Variants in RPL13 observed in about 807,000 individuals in gnomAD.
RPL13 encodes the protein large ribosomal subunit protein eL13.
A neutral mutation model predicts 21.4 loss-of-function variants in RPL13; 1 was observed. That is an observed-to-expected ratio of 0.05 (90% CI 0.02 to 0.22). RPL13 has a LOEUF of 0.22. Ranked by LOEUF, RPL13 falls within the 10% of genes least tolerant of loss-of-function variation. The probability of loss-of-function intolerance (pLI) is 1.00; values close to 1 mark genes in which losing one functional copy is unlikely to be tolerated. For missense variants in RPL13, 289 were observed against 303.0 expected (o/e 0.95, Z 0.34); for synonymous variants, 143 against 120.5 (o/e 1.19, Z -1.23).
chr16:89,562,301 C>T (rs767193371), intron 4 of RPL13, 34 bp from the exon 5 acceptor site: 5 of 1,609,272 alleles, frequency 3.1e-6, no homozygotes, highest in Non-Finnish European at 4.2e-6. Flanking sequence ...AGCAGTGCGG[C>T]CAACCCCACT....
chr16:89,562,652 T>C (rs1425120801), intron 5 of RPL13: 11 of 575,498 alleles, frequency 1.9e-5, no homozygotes, highest in South Asian at 5.0e-5. Flanking sequence ...CTTACATTGG[T>C]TTTGAATTGC....
Position 89,562,323 on chromosome 16 carries a change from A to G in RPL13, c.421-12A>G, listed in dbSNP as rs775607726. On this transcript the variant is annotated splice_polypyrimidine_tract_variant and intron_variant, in intron 4 of 5. Coordinates refer to ENST00000311528, the MANE Select transcript of RPL13 (RefSeq NM_000977.4). ...CGGCCAACCCCACTTAACTCTTCTC[A>G]TTCACCAACAGGCTGAAGAACTGAA... The G allele has an allele frequency of 4.3e-6, 7 of 1,613,226 alleles. No homozygotes were observed. The highest frequency in any genetic ancestry group is 5.9e-6 in the Non-Finnish European group (7 of 1,179,924).
At chr16:89,562,119 A>G in intron 4 of RPL13, 5 of 609,918 alleles carry the variant, frequency 8.2e-6, no homozygotes, top group Non-Finnish European at 1.4e-5. Context: ...TCACAGGTAG[A>G]TAACTGTCTC....
chr16:89,562,793 TC>T, intron 5 of RPL13, 90 bp from the exon 6 acceptor site: 1 of 1,359,534 alleles, frequency 7.4e-7, no homozygotes, highest in Non-Finnish European at 9.8e-7. Context: ...TGACCCCCAA[TC>T]CCCGGGAGGT....
chr16:89,565,930 G>T (rs2058785674), downstream of RPL13: 1 of 152,294 alleles, frequency 6.6e-6, no homozygotes, highest in Non-Finnish European at 1.5e-5. Context: ...ACTGACCTGT[G>T]TGCCACGAGC....
chr16:89,561,171 G>T, intron 2 of RPL13, 56 bp from the exon 3 acceptor site: 2 of 1,514,078 alleles, frequency 1.3e-6, no homozygotes, highest in African/African-American at 2.8e-5. Context: ...CCGTCGCGGA[G>T]CGCTGGCCTG....
rs2058758775 is a variant in RPL13 at position 89,563,127 on chromosome 16, G to A, written c.*85G>A. On this transcript the variant is annotated 3_prime_UTR_variant, in exon 6 of 6. Transcript: ENST00000311528. ...TCGTGGGAACAACTGGGCCTGGGAT[G>A]GGGCTTCACTGCTGTGACTTCCTCC... 1.6e-6 allele frequency: 2 copies of A among 1,288,992 alleles called. No individual in the cohort carries two copies. The highest frequency in any genetic ancestry group is 3.9e-5 in the South Asian group (2 of 51,212). 79.8% of individuals were successfully genotyped at this position (1,288,992 alleles called of 1,614,324 possible).
downstream of RPL13, chr16:89,564,800 T>C: frequency 6.6e-6 from 1 of 152,536 alleles, no homozygotes; most frequent in Non-Finnish European, 1.5e-5. Flanking sequence ...CGCTCTGCCC[T>C]CCAGCCTGCT....
At chr16:89,561,166 G>T (rs2058740835) in intron 2 of RPL13, 61 bp from the exon 3 acceptor site, 1 of 1,512,572 alleles carries the variant, frequency 6.6e-7, no homozygotes. Context: ...TGCAACCGTC[G>T]CGGAGCGCTG....
chr16:89,561,805 T>C (rs565789678), intron 4 of RPL13, 54 bp downstream of exon 4: 1 of 1,580,390 alleles, frequency 6.3e-7, no homozygotes, highest in African/African-American at 1.3e-5. Context: ...GAGGCTTGGC[T>C]CCTTTATCAG....
intron 5 of RPL13, chr16:89,562,602 GT>G: frequency 1.7e-6 from 1 of 591,632 alleles, no homozygotes; most frequent in Non-Finnish European, 2.9e-6. Flanking sequence ...TTTGTTTTGT[GT>G]TTTTTTGTTG....
Position 89,561,450 on chromosome 16 carries a change from A to C in RPL13, c.246+82A>C, listed in dbSNP as rs376321802. The C allele has an allele frequency of 2.1e-5, 34 of 1,612,270 alleles. No individual in the cohort carries two copies. The African/African-American group carries it at 4.0e-4, about 19-fold the overall frequency. Reference sequence around the variant, plus strand: ...TCAGTCGCGTGATGACATTCTCCGGAATCGCTGTACGGCCTTGATGAAAGC... The same window carrying C: ...TCAGTCGCGTGATGACATTCTCCGGCATCGCTGTACGGCCTTGATGAAAGC... On this transcript the variant is annotated intron_variant, in intron 3 of 5. Coordinates refer to ENST00000311528, the MANE Select transcript of RPL13 (RefSeq NM_000977.4).
chr16:89,563,485 T>C lies in RPL13; in HGVS notation c.*443T>C, dbSNP rs1304031215. ...AGTTGCAGCTCCTGGGAGGCAGAGG[T>C]GAGGGATCACTTAACCCAGGAGGCA... On this transcript the variant is annotated 3_prime_UTR_variant, in exon 6 of 6. Coordinates refer to ENST00000311528, the MANE Select transcript of RPL13 (RefSeq NM_000977.4). 6.6e-6 allele frequency: 1 copy of C among 151,714 alleles called. No individual in the cohort carries two copies. Among genetic ancestry groups the C allele is most frequent in the Non-Finnish European group, 1.5e-5 (1 of 68,070 alleles). 9.4% of individuals were successfully genotyped at this position (151,714 alleles called of 1,614,324 possible). A position where few individuals can be genotyped will look rare whatever the true frequency, so the allele number is the denominator to read the frequency against.
At position 89,560,988 on chromosome 16, in the gene RPL13, T is replaced by C; in HGVS notation, c.29T>C (p.Leu10Ser). The change falls in exon 2 of 6, where the codon TTG (leucine) becomes TCG (serine). Residue 10 changes from leucine (L) to serine (S), a missense_variant. By Grantham distance (145) the Leu-to-Ser change is moderately radical. Transcript: ENST00000311528. MAPSRNGMVLKPHFHKDWQR... is the reference protein window; with the variant it reads MAPSRNGMVSKPHFHKDWQR... ...GCGCCCAGCCGGAATGGCATGGTCTTGAAGCCCCACTTCCACAAGGACTGG... is the reference window on the plus strand; with the variant it reads ...GCGCCCAGCCGGAATGGCATGGTCTCGAAGCCCCACTTCCACAAGGACTGG... 6.2e-7 allele frequency: 1 copy of C among 1,607,418 alleles called. No individual in the cohort carries two copies. Among genetic ancestry groups the C allele is most frequent in the Non-Finnish European group, 8.5e-7 (1 of 1,178,360 alleles).
chr16:89,566,336 T>TCGGGGATAGTCCCAGAAGGC (rs1488433199), downstream of RPL13: 1 of 151,988 alleles, frequency 6.6e-6, no homozygotes, highest in Non-Finnish European at 1.5e-5. Context: ...GCCTCGGTGA[T>TCGGGGATAGTCCCAGAAGGC]GCACCGTTTC....
intron 3 of RPL13, 69 bp downstream of exon 3, chr16:89,561,437 TGAC>T: frequency 6.2e-7 from 1 of 1,612,622 alleles, no homozygotes; most frequent in Non-Finnish European, 8.5e-7. Context: ...AGTCGCGTGA[TGAC>T]ATTCTCCGGA....
intron 2 of RPL13, 73 bp downstream of exon 2, chr16:89,561,136 C>G (rs1423757912): frequency 6.6e-7 from 1 of 1,525,856 alleles, no homozygotes; most frequent in Admixed American, 2.1e-5. Flanking sequence ...GTGGCCGATG[C>G]CAGGGCGGGG....
rs1360078509 is a variant in RPL13 at position 89,562,628 on chromosome 16, G to T, written c.477+237G>T. 3 of 582,038 alleles carry T rather than the reference G, an allele frequency of 5.2e-6. No individual in the cohort carries two copies. In the South Asian group the frequency reaches 7.2e-5, roughly 14 times the overall value. The allele number at this position is 582,038 out of a possible 1,614,324, so 36.1% of individuals were successfully genotyped here. ...TTTTTTTGTTGTTGTTGGAAAGAGAGTTTCTCTATGCTGCTTACATTGGTT... is the reference window on the plus strand; with the variant it reads ...TTTTTTTGTTGTTGTTGGAAAGAGATTTTCTCTATGCTGCTTACATTGGTT... On this transcript the variant is annotated intron_variant, in intron 5 of 5. Transcript: ENST00000311528.
rs114240257 is a variant in RPL13 at position 89,560,719 on chromosome 16, G to A, written c.-21+7G>A. 2.7e-3 allele frequency: 1,259 copies of A among 463,092 alleles called. 13 individuals carry two copies. The highest frequency in any genetic ancestry group is 0.024 in the African/African-American group (1,155 of 48,060). The allele number at this position is 463,092 out of a possible 1,614,324, so 28.7% of individuals were successfully genotyped here. ...CTGTTTTCCTGCGCAGGAGGTGAGG[G>A]AGACTGGGTCCTGGCCTTTGGGCAT... On this transcript the variant is annotated splice_region_variant and intron_variant, in intron 1 of 5. Transcript: ENST00000311528.
Sources: gnomAD v4.1 joint callset for allele counts on GRCh38, gnomAD v4.1.1 for gene constraint, MANE v1.5 for transcripts, NCBI Gene and HGNC (gene_info 2026-07-23, HGNC 2026-07-21) for gene names.